The following WIPF2 variants were observed in gnomAD, a reference collection of about 807,000 sequenced individuals.
WIPF2 encodes WAS/WASL interacting protein family member 2.
In WIPF2, 23 loss-of-function variants were observed where a neutral mutation model predicts 38.8. That is an observed-to-expected ratio of 0.59 (90% CI 0.43 to 0.84). The LOEUF (loss-of-function observed/expected upper bound fraction) is 0.84. Ranked by LOEUF, WIPF2 falls within the 40% of genes least tolerant of loss-of-function variation. WIPF2 has a pLI of 0.00. For synonymous variants in WIPF2, 210 were observed against 223.2 expected, an observed-to-expected ratio of 0.94 and a Z score of 0.53; for missense variants, 574 against 580.5, an observed-to-expected ratio of 0.99 and a Z score of 0.11.
chr17:40,255,124 A>G (rs926426902), intron 1 of WIPF2, among the ~76,000 whole-genome samples: 5 of 152,164 alleles, frequency 3.3e-5, no homozygotes, highest in Non-Finnish European at 5.9e-5. Context: ...AGACATATCT[A>G]TTAAAGGACT....
At position 40,262,512 on chromosome 17, in the gene WIPF2, G is replaced by T. The variant is rs367652270; in HGVS notation, c.197-13G>T. On this transcript the variant is annotated splice_polypyrimidine_tract_variant and intron_variant, in intron 3 of 7. Coordinates refer to ENST00000323571, the MANE Select transcript of WIPF2 (RefSeq NM_133264.5). Reference sequence around the variant, plus strand: ...AGCATGTGAAATGAAAACCCTACTGGTATGCTTTCCAGAGCCGAAAGGAAG... The same window carrying T: ...AGCATGTGAAATGAAAACCCTACTGTTATGCTTTCCAGAGCCGAAAGGAAG... The T allele has an allele frequency of 2.5e-4, 401 of 1,610,452 alleles. 1 individual carries two copies. Among genetic ancestry groups the T allele is most frequent in the Non-Finnish European group, 3.3e-4 (385 of 1,177,066 alleles).
chr17:40,225,257 T>TTCTC (rs1295056945), intron 1 of WIPF2, among the ~76,000 whole-genome samples: 1 of 143,766 alleles, frequency 7.0e-6, no homozygotes, highest in Non-Finnish European at 1.5e-5. Flanking sequence ...TTTTTTTCTT[T>TTCTC]TCTCACAAGC....
intron 1 of WIPF2, among the ~76,000 whole-genome samples, chr17:40,243,227 G>T (rs764638555): frequency 6.6e-6 from 1 of 152,032 alleles, no homozygotes; most frequent in Admixed American, 6.6e-5. Context: ...ATCTGGGGCT[G>T]GTCTGATGGT....
At chr17:40,277,723 CT>C (rs528401568) in intron 7 of WIPF2, among the ~76,000 whole-genome samples, 18,135 of 97,488 alleles carry the variant, frequency 0.19, 1,656 homozygotes, top group Non-Finnish European at 0.24. Flanking sequence ...CTTCGTTGTC[CT>C]TTTTTTTTTT....
chr17:40,242,832 C>A (rs962250791), intron 1 of WIPF2, among the ~76,000 whole-genome samples: 1 of 152,196 alleles, frequency 6.6e-6, no homozygotes, highest in Non-Finnish European at 1.5e-5. Flanking sequence ...CTGCAGTTGA[C>A]TATTTTCTGT....
chr17:40,263,547 C>CT (rs1491587245), intron 4 of WIPF2, among the ~76,000 whole-genome samples: 1 of 53,942 alleles, frequency 1.9e-5, no homozygotes, highest in African/African-American at 1.6e-4. Flanking sequence ...ATTTATTCGT[C>CT]CCCCCCCCCC....
At chr17:40,239,691 C>CTTTTTTT (rs748169841) in intron 1 of WIPF2, among the ~76,000 whole-genome samples, 41 of 107,170 alleles carry the variant, frequency 3.8e-4, no homozygotes, top group Middle Eastern at 7.9e-3. Flanking sequence ...TTCAGCTTTT[C>CTTTTTTT]TTTTTTTTTT....
chr17:40,251,253 A>G (rs2031553864), intron 1 of WIPF2, among the ~76,000 whole-genome samples: 1 of 152,054 alleles, frequency 6.6e-6, no homozygotes, highest in African/African-American at 2.4e-5. Flanking sequence ...TGCTTCCAGA[A>G]GGCTCAAATT....
Position 40,262,656 on chromosome 17 carries a change from C to G in WIPF2, c.313+15C>G. The G allele has an allele frequency of 6.2e-7, 1 of 1,600,772 alleles. No individual in the cohort carries two copies. Among genetic ancestry groups the G allele is most frequent in the Non-Finnish European group, 8.6e-7 (1 of 1,168,218 alleles). On this transcript the variant is annotated intron_variant, in intron 4 of 7. Transcript: ENST00000323571. The stretch of plus-strand genomic sequence containing the variant: ...GGATGGTTCAGGTATCTGATGAGTA[C>G]TTTCCCAGGGTATTTCCCTGGTGTG...
chr17:40,265,017 A>G lies in WIPF2; in HGVS notation c.841A>G (p.Asn281Asp). The G allele has an allele frequency of 6.2e-7, 1 of 1,613,916 alleles. No homozygotes were observed. Among genetic ancestry groups the G allele is most frequent in the South Asian group, 1.1e-5 (1 of 91,074 alleles). ...AGCCCCTGAGCTGCCACAGAGACAC[A>G]ATTCTTTGCATAGGAAGACACCAGG... The part of the protein sequence containing the change: ...ESAPELPQRH[N>D]SLHRKTPGPV... Residue 281 changes from asparagine to aspartate, a missense_variant, in exon 5 of 8, where the codon AAT becomes GAT. Asn to Asp is a conservative substitution (Grantham distance 23). Transcript: ENST00000323571.
chr17:40,262,337 C>T (rs1437369070), intron 3 of WIPF2, among the ~76,000 whole-genome samples, 188 bp from the exon 4 acceptor site: 1 of 152,136 alleles, frequency 6.6e-6, no homozygotes, highest in Non-Finnish European at 1.5e-5. Context: ...CCCATCTTGG[C>T]CTCCCAAAAT....
chr17:40,234,059 A>G (rs2030855508), intron 1 of WIPF2, among the ~76,000 whole-genome samples: 1 of 150,128 alleles, frequency 6.7e-6, no homozygotes, highest in African/African-American at 2.5e-5. Context: ...AGAAAACTCC[A>G]TCTCAAAAAA....
intron 1 of WIPF2, among the ~76,000 whole-genome samples, chr17:40,245,431 C>G (rs568394818): frequency 3.0e-4 from 45 of 152,092 alleles, no homozygotes; most frequent in Non-Finnish European, 5.7e-4. Context: ...CAACCTCCAC[C>G]TCCCGGGTTC....
In WIPF2 at chr17:40,264,793, A is replaced by G. The variant is rs1407547371; in HGVS notation, c.617A>G (p.Glu206Gly). 4 of 1,612,118 alleles carry G rather than the reference A, an allele frequency of 2.5e-6. No individual in the cohort carries two copies. The highest frequency in any genetic ancestry group is 3.3e-5 in the Admixed American group (2 of 59,806). ...HSSKAPAYNR[E>G]KPLPPTPGQR... ...AGCAAAGCCCCCGCCTACAACAGAG[A>G]GAAACCCTTGCCACCGACGCCTGGA... The change falls in exon 5 of 8, where the codon GAG becomes GGG. Residue 206 changes from glutamate to glycine, a missense_variant. Physicochemically the swap from Glu to Gly is moderately conservative, Grantham distance 98 (BLOSUM62 -2). Transcript: ENST00000323571.
intron 4 of WIPF2, 109 bp from the exon 5 acceptor site, chr17:40,264,381 A>G (rs984986219): frequency 1.9e-5 from 16 of 858,078 alleles, no homozygotes; most frequent in Middle Eastern, 5.0e-4. Context: ...GAATTATTCA[A>G]TTCCTTTCCC....
At chr17:40,268,844 CTT>C (rs1409722029) in intron 5 of WIPF2, among the ~76,000 whole-genome samples, 2 of 152,120 alleles carry the variant, frequency 1.3e-5, no homozygotes, top group Non-Finnish European at 2.9e-5. Flanking sequence ...CACTGATTCT[CTT>C]TTCTCACCGA....
chr17:40,260,331 A>G (rs1382173232), intron 2 of WIPF2, among the ~76,000 whole-genome samples: 3 of 151,430 alleles, frequency 2.0e-5, no homozygotes, highest in South Asian at 2.1e-4. Context: ...GGGATACAGC[A>G]TGTGCCACCA....
chr17:40,227,940 T>G (rs2030561600), intron 1 of WIPF2, among the ~76,000 whole-genome samples: 1 of 151,788 alleles, frequency 6.6e-6, no homozygotes, highest in Non-Finnish European at 1.5e-5. Context: ...TTTTTGTTGT[T>G]GTTGTTTTAA....
intron 5 of WIPF2, among the ~76,000 whole-genome samples, chr17:40,265,979 G>A (rs2032074643): frequency 6.6e-6 from 1 of 152,076 alleles, no homozygotes. Flanking sequence ...ATGCCTGTTA[G>A]GTAATCAAGA....
Sources: gnomAD v4.1 joint callset for allele counts (sites outside exome capture counted in the v4.1 genomes callset) on GRCh38, gnomAD v4.1.1 for gene constraint, MANE v1.5 for transcripts, NCBI Gene and HGNC (gene_info 2026-07-23, HGNC 2026-07-21) for gene names.